CFAP77: variants seen among roughly 807,000 people sequenced by gnomAD.
The protein encoded by CFAP77 is cilia- and flagella-associated protein 77.
Under a neutral mutation model 31.1 loss-of-function variants are expected in CFAP77, and 25 were observed. The ratio of observed to expected loss-of-function variants is 0.80; its 90% CI spans 0.59 to 1.12. The LOEUF (loss-of-function observed/expected upper bound fraction) is 1.12. Ranked by LOEUF, CFAP77 falls within the 50% of genes most tolerant of loss-of-function variation. CFAP77 has a pLI of 0.00. For synonymous variants in CFAP77, 151 were observed against 159.9 expected (o/e 0.94, Z 0.42); for missense variants, 377 against 397.3 (o/e 0.95, Z 0.44).
chr9:132,521,778 T>TTTTTTTTTTTTTTTTTTTTTTTTG (rs533275755), intron 3 of CFAP77, among the ~76,000 whole-genome samples: 1 of 106,118 alleles, frequency 9.4e-6, no homozygotes. Flanking sequence ...TTTTTTTTTT[T>TTTTTTTTTTTTTTTTTTTTTTTTG]TTTTTTGAGA....
intron 5 of CFAP77, among the ~76,000 whole-genome samples, chr9:132,550,519 C>CTT (rs766424349): frequency 0.043 from 4,365 of 102,522 alleles, 131 homozygotes; most frequent in African/African-American, 0.085. Flanking sequence ...TCCCTTGAAG[C>CTT]TTTTTTTTTT....
At chr9:132,500,208 C>T (rs1851819384) in intron 3 of CFAP77, among the ~76,000 whole-genome samples, 1 of 151,842 alleles carries the variant, frequency 6.6e-6, no homozygotes, top group African/African-American at 2.4e-5. Context: ...ATGGGAGAGC[C>T]TGCCAAGTTA....
intron 1 of CFAP77, among the ~76,000 whole-genome samples, chr9:132,416,641 CTT>C (rs753121257): frequency 1.4e-4 from 17 of 123,168 alleles, no homozygotes; most frequent in Non-Finnish European, 1.9e-4. Flanking sequence ...CCACACTGGG[CTT>C]TTTTTTTTTT....
chr9:132,514,847 C>A (rs1385507474), intron 3 of CFAP77, among the ~76,000 whole-genome samples: 1 of 152,200 alleles, frequency 6.6e-6, no homozygotes, highest in Non-Finnish European at 1.5e-5. Flanking sequence ...CAGTTCCACC[C>A]CTCTTCCTAG....
chr9:132,431,184 A>G (rs1047311732), intron 1 of CFAP77, among the ~76,000 whole-genome samples: 1 of 152,264 alleles, frequency 6.6e-6, no homozygotes, highest in Non-Finnish European at 1.5e-5. Context: ...GCTAAAATAA[A>G]TAACAGAACT....
At chr9:132,415,372 C>A (rs113261914) in intron 1 of CFAP77, among the ~76,000 whole-genome samples, 14 of 152,272 alleles carry the variant, frequency 9.2e-5, no homozygotes, top group East Asian at 1.9e-4. Context: ...CTAACCCCCC[C>A]GCCCAGCTCC....
chr9:132,449,093 C>G (rs930541973), intron 1 of CFAP77, among the ~76,000 whole-genome samples: 5 of 152,162 alleles, frequency 3.3e-5, no homozygotes, highest in African/African-American at 1.2e-4. Flanking sequence ...GTCTGGAGGT[C>G]AGTTTACAAA....
At chr9:132,550,181 G>T (rs1379819544) in intron 5 of CFAP77, among the ~76,000 whole-genome samples, 1 of 152,184 alleles carries the variant, frequency 6.6e-6, no homozygotes, top group Non-Finnish European at 1.5e-5. Flanking sequence ...CAGCCTGGCT[G>T]CCCCCTTCAT....
At position 132,514,141 on chromosome 9, in the gene CFAP77, T is replaced by C. The variant is rs867870587; in HGVS notation, c.524+14541T>C. On this transcript the variant is annotated intron_variant, in intron 3 of 5. Coordinates refer to ENST00000393216, the MANE Select transcript of CFAP77 (RefSeq NM_001282957.2). The stretch of plus-strand genomic sequence containing the variant: ...TGACAGTGAGGAGATCCCCCTCCCC[T>C]GTGTCCCTGACCACGGGTGACAGTG... 2.2e-3 allele frequency among the ~76,000 whole-genome samples: 305 copies of C among 137,832 alleles called. 1 individual carries two copies. Among genetic ancestry groups the C allele is most frequent in the African/African-American group, 7.5e-3 (266 of 35,644 alleles). The allele number at this position is 137,832 out of a possible 152,430, so 90.4% of individuals were successfully genotyped here.
chr9:132,515,267 G>A (rs1434773838), intron 3 of CFAP77, among the ~76,000 whole-genome samples: 1 of 152,176 alleles, frequency 6.6e-6, no homozygotes, highest in African/African-American at 2.4e-5. Context: ...TCGACATTCT[G>A]AGGGAAGGAG....
chr9:132,423,027 C>T (rs551652996), intron 1 of CFAP77, among the ~76,000 whole-genome samples: 2 of 152,326 alleles, frequency 1.3e-5, no homozygotes, highest in Admixed American at 1.3e-4. Flanking sequence ...TTCAAGGGAA[C>T]CTGCTGGAGC....
intron 1 of CFAP77, among the ~76,000 whole-genome samples, chr9:132,489,639 G>A (rs1415685615): frequency 6.6e-6 from 1 of 152,202 alleles, no homozygotes. Context: ...TTTCTTTGCT[G>A]CATGGTGGTT....
intron 1 of CFAP77, among the ~76,000 whole-genome samples, chr9:132,415,935 G>T (rs901549128): frequency 9.2e-5 from 14 of 152,146 alleles, no homozygotes; most frequent in Non-Finnish European, 2.1e-4. Context: ...ATAATTAAAT[G>T]TATTTTATAT....
rs1851425198 is a variant in CFAP77 at position 132,480,415 on chromosome 9, C to T, written c.196-18280C>T. 6.6e-6 allele frequency among the ~76,000 whole-genome samples: 1 copy of T among 152,218 alleles called. No homozygotes were observed. Among genetic ancestry groups the T allele is most frequent in the African/African-American group, 2.4e-5 (1 of 41,458 alleles). On this transcript the variant is annotated intron_variant, in intron 1 of 5. Coordinates refer to ENST00000393216, the MANE Select transcript of CFAP77 (RefSeq NM_001282957.2). The surrounding 1 kb of genome is among the most constrained non-coding windows in gnomAD (Gnocchi z 5.8). ...GAAGACCTGCCCCAGATGGCCCAGGCCTGGGAGGAGTAAGCTTCCATAGTA... is the reference window on the plus strand; with the variant it reads ...GAAGACCTGCCCCAGATGGCCCAGGTCTGGGAGGAGTAAGCTTCCATAGTA...
chr9:132,459,934 G>A (rs1031337797), intron 1 of CFAP77, among the ~76,000 whole-genome samples: 5 of 151,788 alleles, frequency 3.3e-5, no homozygotes, highest in Admixed American at 6.6e-5. Context: ...GAGTGTGTGC[G>A]TGAGTGTGTG....
chr9:132,425,579 T>A (rs1377864406), intron 1 of CFAP77, among the ~76,000 whole-genome samples: 1 of 152,128 alleles, frequency 6.6e-6, no homozygotes, highest in Non-Finnish European at 1.5e-5. Flanking sequence ...TTGCTTGTGT[T>A]TTTTCCCCCC....
rs550138178 is a variant in CFAP77 at position 132,492,400 on chromosome 9, G to A, written c.196-6295G>A. Among the ~76,000 whole-genome samples the A allele has an allele frequency of 8.5e-5, 13 of 152,218 alleles. No homozygotes were observed. The South Asian group carries it at 1.7e-3, about 19-fold the overall frequency. ...TGTGCTGTGCACCGTTGTGTGGGGC[G>A]GAGAAGGCCAGGAAGTCAAGGCTCA... On this transcript the variant is annotated intron_variant, in intron 1 of 5. Transcript: ENST00000393216.
chr9:132,471,645 C>T (rs1015028417), intron 1 of CFAP77, among the ~76,000 whole-genome samples: 2 of 152,106 alleles, frequency 1.3e-5, no homozygotes, highest in African/African-American at 2.4e-5. Context: ...CCAGCTATTA[C>T]AGGATTTTTC....
intron 5 of CFAP77, among the ~76,000 whole-genome samples, chr9:132,561,652 CACACACACA>C (rs1564253311): frequency 1.7e-3 from 172 of 102,778 alleles, no homozygotes; most frequent in African/African-American, 4.8e-3. Flanking sequence ...CACACACACA[CACACACACA>C]CCCCCTCCAT....
Sources: allele counts gnomAD v4.1 joint callset (sites outside exome capture counted in the v4.1 genomes callset), GRCh38; gene constraint gnomAD v4.1.1; non-coding constraint Gnocchi (gnomAD v3.1); transcripts MANE v1.5; gene names NCBI Gene and HGNC (gene_info 2026-07-23, HGNC 2026-07-21).